PCDHGA10: variants seen among roughly 807,000 people sequenced by gnomAD.
PCDHGA10 encodes the protein protocadherin gamma subfamily A, 10.
In PCDHGA10, 42 loss-of-function variants were observed where a neutral mutation model predicts 59.5. The observed-to-expected ratio is 0.71, with a 90% CI of 0.55 to 0.91. PCDHGA10 has a LOEUF of 0.91. PCDHGA10 is among the 40% of genes least tolerant of loss of function. The pLI is 0.00. For synonymous variants in PCDHGA10, 511 were observed against 517.2 expected (o/e 0.99, Z 0.16); for missense variants, 1,111 against 1,198.2 (o/e 0.93, Z 1.07).
chr5:141,430,914 T>G (rs750607631), intron 1 of PCDHGA10: 1 of 1,607,676 alleles, frequency 6.2e-7, no homozygotes, highest in Non-Finnish European at 8.5e-7. Context: ...TCCAGGGACC[T>G]GGGGCTGGAG....
rs10041534 is a variant in PCDHGA10 at position 141,414,753 on chromosome 5, T to G, written c.1578T>G (p.Tyr526Ter). 1.4e-5 allele frequency: 22 copies of G among 1,614,088 alleles called. No individual in the cohort carries two copies. The highest frequency in any genetic ancestry group is 1.8e-5 in the Non-Finnish European group (21 of 1,180,036). The part of the protein sequence containing the change: ...GVLYALRSFD[Y>*]EQFHELQMQV... Reference sequence around the variant, plus strand: ...TGTATGCACTCAGATCCTTCGACTATGAGCAGTTTCATGAGCTACAGATGC... The same window carrying G: ...TGTATGCACTCAGATCCTTCGACTAGGAGCAGTTTCATGAGCTACAGATGC... Residue 526 changes from tyrosine to a stop codon, truncating the protein, a stop_gained, in exon 1 of 4, where the codon TAT (tyrosine) becomes TAG (stop). Transcript: ENST00000398610. LOFTEE classifies it high-confidence loss of function.
rs144613597 is a variant in PCDHGA10, at chr5:141,483,029, G to A, written c.2437-11778G>A. 3.9e-3 allele frequency among the ~76,000 whole-genome samples: 588 copies of A among 152,220 alleles called. 6 individuals are homozygous for A. Among genetic ancestry groups the A allele is most frequent in the Admixed American group, 0.011 (169 of 15,280 alleles). ...GAACCCGGGAGGCAGAGGTTGCAAT[G>A]AGCTGGTGTCAGGCCACTGCACTCC... On this transcript the variant is annotated intron_variant, in intron 1 of 3. Transcript: ENST00000398610.
intron 1 of PCDHGA10, chr5:141,471,433 T>C (rs2099257619): frequency 6.6e-6 from 1 of 152,162 alleles, no homozygotes; most frequent in African/African-American, 2.4e-5. Flanking sequence ...GGAAAGTGTA[T>C]AATCTCATGT....
chr5:141,490,196 A>G lies in PCDHGA10; in HGVS notation c.2437-4611A>G, dbSNP rs748858034. On this transcript the variant is annotated intron_variant, in intron 1 of 3. Coordinates refer to ENST00000398610, the MANE Select transcript of PCDHGA10 (RefSeq NM_018913.3). The surrounding 1 kb of genome is among the most constrained non-coding windows in gnomAD (Gnocchi z 5.4). ...GAGGAGTCACGTTTCTATGAAATTCATGCAAGAGCCCGTGACCAGGGACAG... is the reference window on the plus strand; with the variant it reads ...GAGGAGTCACGTTTCTATGAAATTCGTGCAAGAGCCCGTGACCAGGGACAG... The G allele has an allele frequency of 3.7e-6, 6 of 1,614,196 alleles. No individual in the cohort carries two copies. The highest frequency in any genetic ancestry group is 4.2e-6 in the Non-Finnish European group (5 of 1,180,020).
At chr5:141,451,779 G>T (rs1284464259) in intron 1 of PCDHGA10, among the ~76,000 whole-genome samples, 1 of 152,070 alleles carries the variant, frequency 6.6e-6, no homozygotes, top group Non-Finnish European at 1.5e-5. Flanking sequence ...TACTCAGGAG[G>T]CTGAGGCCAG....
chr5:141,490,993 C>G lies in PCDHGA10; in HGVS notation c.2437-3814C>G, dbSNP rs746618787. 1.9e-6 allele frequency: 3 copies of G among 1,614,140 alleles called. No individual in the cohort carries two copies. Among genetic ancestry groups the G allele is most frequent in the Non-Finnish European group, 2.5e-6 (3 of 1,180,030 alleles). On this transcript the variant is annotated intron_variant, in intron 1 of 3. Coordinates refer to ENST00000398610, the MANE Select transcript of PCDHGA10 (RefSeq NM_018913.3). The surrounding 1 kb of genome is among the most constrained non-coding windows in gnomAD (Gnocchi z 5.4). ...CCAGCGTCTCCCTCGCTCTGCTCCT[C>G]CTGGCTCCTTGGTCACCAAGGTGAC...
Position 141,487,904 on chromosome 5 carries a change from G to A in PCDHGA10, c.2437-6903G>A, listed in dbSNP as rs1229814755. On this transcript the variant is annotated intron_variant, in intron 1 of 3. Coordinates refer to ENST00000398610, the MANE Select transcript of PCDHGA10 (RefSeq NM_018913.3). The surrounding 1 kb of genome is among the most constrained non-coding windows in gnomAD (Gnocchi z 5.0). ...TGTGGAAGCATGATGATGGAATGTG[G>A]GAGCACAGGAGGCTACAGTGCACAG... 8.8e-6 allele frequency: 6 copies of A among 685,686 alleles called. No individual in the cohort carries two copies. The highest frequency in any genetic ancestry group is 1.5e-5 in the Non-Finnish European group (6 of 410,118). 42.5% of individuals were successfully genotyped at this position (685,686 alleles called of 1,614,324 possible). A position where few individuals can be genotyped will look rare whatever the true frequency, so the allele number is the denominator to read the frequency against.
At chr5:141,439,029 G>A (rs2098083069) in intron 1 of PCDHGA10, among the ~76,000 whole-genome samples, 1 of 151,510 alleles carries the variant, frequency 6.6e-6, no homozygotes, top group Non-Finnish European at 1.5e-5. Flanking sequence ...GAAAATAGAT[G>A]CCTCAGTTCA....
chr5:141,481,348 T>C (rs2099536105), intron 1 of PCDHGA10, among the ~76,000 whole-genome samples: 1 of 152,250 alleles, frequency 6.6e-6, no homozygotes, highest in Non-Finnish European at 1.5e-5. Flanking sequence ...TATTTAAACA[T>C]CTACAGCTGT....
intron 1 of PCDHGA10, among the ~76,000 whole-genome samples, chr5:141,434,029 A>C (rs970204484): frequency 2.6e-5 from 4 of 152,126 alleles, no homozygotes; most frequent in Admixed American, 2.6e-4. Context: ...TTCTGGAAGC[A>C]TGGTTTTCTA....
At chr5:141,418,743 A>G in intron 1 of PCDHGA10, 5 of 1,613,954 alleles carry the variant, frequency 3.1e-6, no homozygotes, top group African/African-American at 1.3e-5. Context: ...TTCTCTCTGG[A>G]TTACACTACA....
At chr5:141,466,871 T>C (rs1432611218) in intron 1 of PCDHGA10, among the ~76,000 whole-genome samples, 2 of 152,166 alleles carry the variant, frequency 1.3e-5, no homozygotes, top group African/African-American at 4.8e-5. Flanking sequence ...ATCCACACAT[T>C]TTTTTCATAA....
intron 1 of PCDHGA10, among the ~76,000 whole-genome samples, chr5:141,472,224 A>G (rs570743680): frequency 1.4e-4 from 21 of 152,330 alleles, no homozygotes; most frequent in African/African-American, 4.1e-4. Context: ...TCTCGATCAT[A>G]TAATACATTC....
chr5:141,484,000 G>C (rs1425172275), intron 1 of PCDHGA10, among the ~76,000 whole-genome samples: 1 of 147,812 alleles, frequency 6.8e-6, no homozygotes, highest in Admixed American at 6.8e-5. Context: ...TGGGAGGTCT[G>C]GATGAGGGTG....
chr5:141,444,467 G>A (rs1288596542), intron 1 of PCDHGA10, among the ~76,000 whole-genome samples: 3 of 151,998 alleles, frequency 2.0e-5, no homozygotes, highest in African/African-American at 4.8e-5. Flanking sequence ...CACTGCGCCC[G>A]GTCGCGTACT....
In PCDHGA10 at chr5:141,487,869, G is replaced by T; in HGVS notation, c.2437-6938G>T. On this transcript the variant is annotated intron_variant, in intron 1 of 3. Transcript: ENST00000398610. This position sits in a 1 kb window ranked among gnomAD's most constrained non-coding sequence, Gnocchi z 5.0. ...AAATGAAAGTAATTGGTGATCAAGA[G>T]CCAGGCTGTTGTGGAAGCATGATGA... 1.1e-6 allele frequency: 1 copy of T among 871,620 alleles called. No individual in the cohort carries two copies. The highest frequency in any genetic ancestry group is 1.7e-6 in the Non-Finnish European group (1 of 574,346). The allele number at this position is 871,620 out of a possible 1,614,324, so 54.0% of individuals were successfully genotyped here. A position where few individuals can be genotyped will look rare whatever the true frequency, so the allele number is the denominator to read the frequency against.
At chr5:141,492,962 C>A (rs1197532146) in intron 1 of PCDHGA10, among the ~76,000 whole-genome samples, 2 of 152,258 alleles carry the variant, frequency 1.3e-5, no homozygotes, top group African/African-American at 2.4e-5. Flanking sequence ...CTATCTGACA[C>A]TCTAACAAGT....
intron 1 of PCDHGA10, chr5:141,484,876 A>T (rs1461505847): frequency 6.3e-6 from 2 of 315,126 alleles, no homozygotes; most frequent in Admixed American, 9.4e-5. Flanking sequence ...CGTGGAGGAT[A>T]GGGTGGGCTT....
intron 1 of PCDHGA10, among the ~76,000 whole-genome samples, chr5:141,455,246 G>A (rs2098817522): frequency 6.6e-6 from 1 of 151,962 alleles, no homozygotes; most frequent in Non-Finnish European, 1.5e-5. Context: ...AAAGGTCATA[G>A]TACAATCGCA....
Sources: gnomAD v4.1 joint callset for allele counts (sites outside exome capture counted in the v4.1 genomes callset) on GRCh38, gnomAD v4.1.1 for gene constraint, Gnocchi (gnomAD v3.1) non-coding constraint, MANE v1.5 for transcripts, NCBI Gene and HGNC (gene_info 2026-07-23, HGNC 2026-07-21) for gene names.